PTK2: variants seen among roughly 807,000 people sequenced by gnomAD.
PTK2 encodes the protein focal adhesion kinase 1.
In PTK2, 45 loss-of-function variants were observed where a neutral mutation model predicts 150.1. That is an observed-to-expected ratio of 0.30 (90% CI 0.24 to 0.38). The LOEUF is 0.38. PTK2 is among the 10% of genes least tolerant of loss of function. PTK2 has a pLI of 1.00. For missense variants in PTK2, 919 were observed against 1,307.3 expected, an observed-to-expected ratio of 0.70 and a Z score of 4.58; for synonymous variants, 432 against 449.2, an observed-to-expected ratio of 0.96 and a Z score of 0.48.
intron 14 of PTK2, 175 bp from the exon 17 acceptor site, chr8:140,764,465 A>G: frequency 1.7e-6 from 1 of 598,412 alleles, no homozygotes; most frequent in Non-Finnish European, 3.0e-6. Context: ...AATAAAAGTG[A>G]CATCATTGTC....
chr8:140,860,124 C>T (rs142556771), intron 5 of PTK2, among the ~76,000 whole-genome samples: 17 of 152,278 alleles, frequency 1.1e-4, no homozygotes, highest in African/African-American at 4.1e-4. Context: ...TTAATACCTT[C>T]CACATCCATG....
chr8:140,697,275 T>G (rs190162987), intron 26 of PTK2, among the ~76,000 whole-genome samples: 582 of 151,326 alleles, frequency 3.8e-3, no homozygotes, highest in Non-Finnish European at 6.7e-3. Context: ...CAAATGAAGA[T>G]GCTCCAATTA....
At chr8:140,762,952 T>G (rs559875598) in intron 15 of PTK2, among the ~76,000 whole-genome samples, 2 of 152,286 alleles carry the variant, frequency 1.3e-5, no homozygotes, top group South Asian at 4.1e-4. Context: ...GCCTAATTTA[T>G]TTTGTTTTTG....
intron 23 of PTK2, among the ~76,000 whole-genome samples, chr8:140,712,378 T>C (rs1240643523): frequency 6.6e-6 from 1 of 152,178 alleles, no homozygotes; most frequent in African/African-American, 2.4e-5. Flanking sequence ...GGAAAAAAAG[T>C]AAACTCATAC....
At chr8:140,942,201 T>C (rs1286788255) in intron 1 of PTK2, among the ~76,000 whole-genome samples, 3 of 152,200 alleles carry the variant, frequency 2.0e-5, no homozygotes, top group Admixed American at 6.5e-5. Flanking sequence ...TTCTTAATTC[T>C]AGCAGTTTAA....
intron 14 of PTK2, among the ~76,000 whole-genome samples, chr8:140,786,744 C>T (rs1188586329): frequency 6.6e-6 from 1 of 152,078 alleles, no homozygotes; most frequent in Non-Finnish European, 1.5e-5. Context: ...ACAATTAATG[C>T]CATGTCATTA....
At chr8:140,705,976 A>C in intron 24 of PTK2, 143 bp downstream of exon 27, 3 of 605,218 alleles carry the variant, frequency 5.0e-6, no homozygotes, top group East Asian at 5.7e-5. Flanking sequence ...TCATTCAATG[A>C]TTAGGGTAAC....
At chr8:140,882,290 G>A (rs2100149611) in intron 3 of PTK2, among the ~76,000 whole-genome samples, 1 of 152,140 alleles carries the variant, frequency 6.6e-6, no homozygotes, top group African/African-American at 2.4e-5. Context: ...TATTTAGTGA[G>A]GAATGTAAAC....
chr8:140,881,998 C>T (rs2100149392), intron 3 of PTK2, among the ~76,000 whole-genome samples: 1 of 152,130 alleles, frequency 6.6e-6, no homozygotes, highest in African/African-American at 2.4e-5. Context: ...CATGAGCAAA[C>T]CAGCTTTCAA....
chr8:140,667,365 G>T (rs1460469487), intron 30 of PTK2, among the ~76,000 whole-genome samples: 1 of 152,166 alleles, frequency 6.6e-6, no homozygotes, highest in African/African-American at 2.4e-5. Context: ...TGAACTGGAG[G>T]ACACCCCTGT....
chr8:140,763,983 T>A (rs1004219734), intron 15 of PTK2, among the ~76,000 whole-genome samples: 2 of 152,162 alleles, frequency 1.3e-5, no homozygotes, highest in Non-Finnish European at 2.9e-5. Flanking sequence ...TCTATTATGA[T>A]AGAGTCAGAA....
At chr8:140,661,123 T>C (rs968245249) in intron 31 of PTK2, among the ~76,000 whole-genome samples, 5 of 152,256 alleles carry the variant, frequency 3.3e-5, no homozygotes, top group Non-Finnish European at 7.3e-5. Context: ...ACTGTAAAAG[T>C]AGGCTGGCTT....
intron 1 of PTK2, among the ~76,000 whole-genome samples, chr8:140,959,582 C>T (rs1339987292): frequency 6.6e-6 from 1 of 151,406 alleles, no homozygotes; most frequent in African/African-American, 2.4e-5. Flanking sequence ...GATCCGTTCC[C>T]CTCAGAAATG....
chr8:140,669,997 G>A, intron 29 of PTK2: 1 of 470,848 alleles, frequency 2.1e-6, no homozygotes, highest in Non-Finnish European at 3.8e-6. Context: ...ACAAATGCAG[G>A]GAACATGCAA....
intron 23 of PTK2, among the ~76,000 whole-genome samples, chr8:140,717,260 T>G (rs557723946): frequency 2.0e-5 from 3 of 152,326 alleles, no homozygotes; most frequent in African/African-American, 7.2e-5. Context: ...TAGTCTGGTA[T>G]TTTAATCCAG....
intron 27 of PTK2, among the ~76,000 whole-genome samples, chr8:140,680,865 T>C (rs2100016511): frequency 6.6e-6 from 1 of 152,164 alleles, no homozygotes; most frequent in South Asian, 2.1e-4. Context: ...GTTTGCAAGA[T>C]TTTAAGGTAA....
intron 10 of PTK2, among the ~76,000 whole-genome samples, chr8:140,804,037 C>A (rs1431875371): frequency 6.6e-6 from 1 of 152,090 alleles, no homozygotes; most frequent in Non-Finnish European, 1.5e-5. Flanking sequence ...ACTCCCATTC[C>A]CAAAGAAAGA....
chr8:140,702,857 T>A, intron 24 of PTK2, 150 bp from the exon 28 acceptor site: 1 of 919,878 alleles, frequency 1.1e-6, no homozygotes, highest in East Asian at 2.7e-5. Flanking sequence ...CCCTTGAACA[T>A]GTGAATATGT....
At chr8:140,761,700 A>G (rs538888241) in intron 15 of PTK2, among the ~76,000 whole-genome samples, 1 of 152,272 alleles carries the variant, frequency 6.6e-6, no homozygotes, top group South Asian at 2.1e-4. Context: ...ATATGGAAGC[A>G]ACATAAAATT....
Sources: gnomAD v4.1 joint callset for allele counts (sites outside exome capture counted in the v4.1 genomes callset) on GRCh38, gnomAD v4.1.1 for gene constraint, MANE v1.5 for transcripts, NCBI Gene and HGNC (gene_info 2026-07-23, HGNC 2026-07-21) for gene names.